The following ANXA8 variants were observed in gnomAD, a reference collection of about 807,000 sequenced individuals.
ANXA8 encodes the protein VAC-beta.
ANXA8 carries 9 observed loss-of-function variants against 26.8 expected under a neutral mutation model. That is an observed-to-expected ratio of 0.34 (90% confidence interval 0.20 to 0.59). ANXA8 has a LOEUF of 0.59. Among genes scored for constraint, ANXA8 ranks in the 20% least tolerant of loss-of-function variants. The pLI, the probability that ANXA8 is intolerant of heterozygous loss-of-function variation, is 0.84. For synonymous variants in ANXA8, 39 were observed against 94.8 expected (o/e 0.41, Z 3.42); for missense variants, 83 against 238.5 (o/e 0.35, Z 4.29).
the ANXA8 span, among the ~76,000 whole-genome samples, chr10:47,639,032 T>C: frequency 6.6e-6 from 1 of 150,534 alleles, no homozygotes; most frequent in Non-Finnish European, 1.5e-5. Flanking sequence ...ATAGAAATAA[T>C]TAAAACACTT....
chr10:47,580,224 C>A, the ANXA8 span, among the ~76,000 whole-genome samples: 1 of 152,200 alleles, frequency 6.6e-6, no homozygotes, highest in East Asian at 1.9e-4. Context: ...CCAGTCAACA[C>A]CCCACCTTCA....
the ANXA8 span, among the ~76,000 whole-genome samples, chr10:47,905,643 G>A: frequency 2.0e-5 from 3 of 150,506 alleles, no homozygotes; most frequent in Non-Finnish European, 4.4e-5. Context: ...GAAGCCAGAA[G>A]TTGTTAATGG....
chr10:47,644,328 T>C, the ANXA8 span, among the ~76,000 whole-genome samples: 1 of 150,338 alleles, frequency 6.7e-6, no homozygotes, highest in Non-Finnish European at 1.5e-5. Flanking sequence ...TAGGCAGGAT[T>C]AATAAACCTT....
the ANXA8 span, among the ~76,000 whole-genome samples, chr10:47,595,106 C>A: frequency 6.7e-6 from 1 of 148,290 alleles, no homozygotes; most frequent in Non-Finnish European, 1.5e-5. Context: ...GATTAGAGGT[C>A]TATTTTTAGT....
At chr10:47,970,194 G>T in the ANXA8 span, 1 of 151,382 alleles carries the variant, frequency 6.6e-6, no homozygotes. Flanking sequence ...GACAGAACAT[G>T]TGGCGAGCAG....
chr10:47,762,437 AC>A, the ANXA8 span, among the ~76,000 whole-genome samples: 2 of 120,788 alleles, frequency 1.7e-5, no homozygotes, highest in Admixed American at 8.4e-5. Context: ...AGAAGGCCGG[AC>A]CCCCCACACC....
At chr10:47,958,545 C>G in the ANXA8 span, among the ~76,000 whole-genome samples, 1 of 147,958 alleles carries the variant, frequency 6.8e-6, no homozygotes, top group East Asian at 2.1e-4. Flanking sequence ...AGGAAAAGGA[C>G]TCAGATCCCT....
the ANXA8 span, among the ~76,000 whole-genome samples, chr10:47,977,431 C>A: frequency 9.3e-5 from 14 of 150,854 alleles, no homozygotes; most frequent in Non-Finnish European, 1.8e-4. Flanking sequence ...AAATGTGTGA[C>A]CTATTCACAG....
the ANXA8 span, among the ~76,000 whole-genome samples, chr10:47,624,502 C>A: frequency 9.6e-6 from 1 of 103,890 alleles, no homozygotes; most frequent in African/African-American, 3.3e-5. Context: ...TAACAATATT[C>A]TCTTATATTC....
the ANXA8 span, chr10:47,564,786 T>C: frequency 2.4e-6 from 2 of 818,702 alleles, no homozygotes; most frequent in Non-Finnish European, 4.1e-6. Context: ...CAGGAAGACG[T>C]CCTGAACAAG....
chr10:47,624,122 G>T, the ANXA8 span, among the ~76,000 whole-genome samples: 74 of 103,228 alleles, frequency 7.2e-4, 18 homozygotes, highest in African/African-American at 2.6e-3. Context: ...GGCGCCTGTA[G>T]TCCCAGCTAC....
At chr10:47,593,694 A>T in the ANXA8 span, among the ~76,000 whole-genome samples, 1 of 149,588 alleles carries the variant, frequency 6.7e-6, no homozygotes, top group Non-Finnish European at 1.5e-5. Flanking sequence ...AAGCCAATCA[A>T]TCACATACAC....
the ANXA8 span, among the ~76,000 whole-genome samples, chr10:47,652,596 A>G: frequency 1.8e-4 from 23 of 128,804 alleles, no homozygotes; most frequent in African/African-American, 9.1e-4. Flanking sequence ...GACTGTCTTG[A>G]AAAAAAAAAG....
At chr10:47,558,744 A>G in the ANXA8 span, among the ~76,000 whole-genome samples, 1 of 151,890 alleles carries the variant, frequency 6.6e-6, no homozygotes, top group South Asian at 2.1e-4. Context: ...GGAATAAAAC[A>G]TCTCTTCCTT....
the ANXA8 span, among the ~76,000 whole-genome samples, chr10:47,748,599 CTTCTT>C: frequency 6.6e-6 from 1 of 152,182 alleles, no homozygotes; most frequent in Non-Finnish European, 1.5e-5. Flanking sequence ...GGACACATTT[CTTCTT>C]TTCTTTTTTC....
chr10:47,665,476 A>G, the ANXA8 span, among the ~76,000 whole-genome samples: 1 of 151,230 alleles, frequency 6.6e-6, no homozygotes, highest in Non-Finnish European at 1.5e-5. Context: ...GTATTTCTCC[A>G]TTGAAACAGT....
the ANXA8 span, among the ~76,000 whole-genome samples, chr10:47,729,367 C>G: frequency 1.4e-5 from 2 of 141,370 alleles, no homozygotes; most frequent in African/African-American, 5.0e-5. Flanking sequence ...AGTCCCCATC[C>G]AAGAAAGACT....
the ANXA8 span, among the ~76,000 whole-genome samples, chr10:47,953,981 G>A: frequency 6.7e-6 from 1 of 150,318 alleles, no homozygotes; most frequent in Non-Finnish European, 1.5e-5. Context: ...GAACAGTATG[G>A]AGGTTCCCCA....
chr10:47,683,871 T>C, the ANXA8 span, among the ~76,000 whole-genome samples: 2 of 151,514 alleles, frequency 1.3e-5, no homozygotes, highest in South Asian at 2.1e-4. Context: ...AGGGAGTTTT[T>C]TCACTCCCTG....
Sources: allele counts gnomAD v4.1 joint callset (sites outside exome capture counted in the v4.1 genomes callset), GRCh38; gene constraint gnomAD v4.1.1; transcripts MANE v1.5; gene names NCBI Gene and HGNC (gene_info 2026-07-23, HGNC 2026-07-21).